The following BCL2 variants were observed in gnomAD, a reference collection of about 807,000 sequenced individuals.
The protein encoded by BCL2 is apoptosis regulator Bcl-2.
A neutral mutation model predicts 14.2 loss-of-function variants in BCL2; 1 was observed. That is an observed-to-expected ratio of 0.07 (90% CI 0.02 to 0.33). The LOEUF (loss-of-function observed/expected upper bound fraction) is 0.33, where lower values mean the gene tolerates loss of function less well. BCL2 is among the 10% of genes least tolerant of loss of function. The pLI is 0.99. For missense variants in BCL2, 247 were observed against 305.9 expected, an observed-to-expected ratio of 0.81 and a Z score of 1.44; for synonymous variants, 151 against 137.2, an observed-to-expected ratio of 1.10 and a Z score of -0.70.
chr18:63,160,261 C>A (rs1914887637), intron 2 of BCL2, among the ~76,000 whole-genome samples: 1 of 152,164 alleles, frequency 6.6e-6, no homozygotes, highest in Non-Finnish European at 1.5e-5. Context: ...GGTGCGTGAG[C>A]CTGCACAGAC....
At chr18:63,182,111 A>G (rs1331671176) in intron 2 of BCL2, among the ~76,000 whole-genome samples, 1 of 152,132 alleles carries the variant, frequency 6.6e-6, no homozygotes, top group Admixed American at 6.5e-5. Context: ...GTTAGTCTCA[A>G]TCTTGCAAAC....
intron 2 of BCL2, among the ~76,000 whole-genome samples, chr18:63,133,632 A>T (rs1473435): frequency 0.91 from 138,432 of 151,398 alleles, 63,854 homozygotes; most frequent in East Asian, 1. Flanking sequence ...AATTTTTTTT[A>T]AAAAAGGTCA....
At chr18:63,308,132 A>G (rs1913196583) in intron 2 of BCL2, among the ~76,000 whole-genome samples, 4 of 152,218 alleles carry the variant, frequency 2.6e-5, no homozygotes, top group Admixed American at 2.0e-4. Flanking sequence ...CTGCCAGGCC[A>G]ATGGTTTTAT....
intron 2 of BCL2, among the ~76,000 whole-genome samples, chr18:63,158,012 G>A (rs935543156): frequency 4.6e-5 from 7 of 151,808 alleles, no homozygotes; most frequent in Non-Finnish European, 1.0e-4. Context: ...CGGCGTAGCA[G>A]GAAAAAGAAA....
intron 2 of BCL2, among the ~76,000 whole-genome samples, chr18:63,173,311 T>C (rs1206547659): frequency 6.6e-6 from 1 of 152,246 alleles, no homozygotes; most frequent in Non-Finnish European, 1.5e-5. Context: ...AACATATATT[T>C]TGCTAGGCTC....
intron 2 of BCL2, among the ~76,000 whole-genome samples, chr18:63,198,746 C>CACACACAGACAT (rs1909555447): frequency 1.4e-5 from 2 of 138,090 alleles, no homozygotes; most frequent in African/African-American, 2.9e-5. Context: ...CACAGGGACA[C>CACACACAGACAT]ACACAGACAC....
intron 2 of BCL2, among the ~76,000 whole-genome samples, chr18:63,303,374 T>C (rs1913024839): frequency 6.6e-6 from 1 of 152,228 alleles, no homozygotes; most frequent in African/African-American, 2.4e-5. Context: ...AAAAGTTGTT[T>C]CATTTATTTT....
intron 2 of BCL2, among the ~76,000 whole-genome samples, chr18:63,153,804 C>T (rs1015234438): frequency 6.6e-6 from 1 of 152,156 alleles, no homozygotes; most frequent in Non-Finnish European, 1.5e-5. Flanking sequence ...CAGACCTGGC[C>T]ACTCCAAAAA....
intron 2 of BCL2, among the ~76,000 whole-genome samples, chr18:63,195,129 T>A (rs1213470035): frequency 6.6e-6 from 1 of 152,128 alleles, no homozygotes; most frequent in Non-Finnish European, 1.5e-5. Flanking sequence ...AACATCATAG[T>A]GGGGATGGAA....
chr18:63,182,848 G>A lies in BCL2; in HGVS notation c.586-54089C>T, dbSNP rs138748407. Among the ~76,000 whole-genome samples, 266 of 152,304 alleles carry A rather than the reference G, an allele frequency of 1.7e-3. 2 individuals carry two copies. The highest frequency in any genetic ancestry group is 5.9e-3 in the African/African-American group (245 of 41,564). On this transcript the variant is annotated intron_variant, in intron 2 of 2. Coordinates refer to ENST00000333681, the MANE Select transcript of BCL2 (RefSeq NM_000633.3). ...CCTCATGTCCCTACCTGGGGTATTT[G>A]CCTGAAGATAAGAGCAACTCATTGC...
intron 2 of BCL2, among the ~76,000 whole-genome samples, chr18:63,297,131 T>C (rs1055478689): frequency 1.3e-5 from 2 of 151,960 alleles, no homozygotes; most frequent in Admixed American, 6.6e-5. Context: ...GAGAATGGCA[T>C]GAACCCTGGA....
At chr18:63,268,294 C>CAA (rs1911895723) in intron 2 of BCL2, among the ~76,000 whole-genome samples, 1 of 152,146 alleles carries the variant, frequency 6.6e-6, no homozygotes, top group Non-Finnish European at 1.5e-5. Flanking sequence ...AAAACCAACC[C>CAA]CCAGTTAAGG....
At chr18:63,249,156 C>T (rs1911233299) in intron 2 of BCL2, among the ~76,000 whole-genome samples, 1 of 152,202 alleles carries the variant, frequency 6.6e-6, no homozygotes, top group African/African-American at 2.4e-5. Context: ...CAATTAACAT[C>T]TATTCCCATC....
intron 2 of BCL2, among the ~76,000 whole-genome samples, chr18:63,299,387 AG>A (rs1912892834): frequency 6.6e-6 from 1 of 152,208 alleles, no homozygotes. Context: ...CCATCCTGGG[AG>A]TTCCTACTGC....
intron 2 of BCL2, among the ~76,000 whole-genome samples, chr18:63,193,436 G>C (rs1909343153): frequency 6.6e-6 from 1 of 152,066 alleles, no homozygotes; most frequent in Non-Finnish European, 1.5e-5. Context: ...CTCGGCTTCT[G>C]TGAATTTGGC....
Position 63,318,055 on chromosome 18 carries a change from C to A in BCL2, c.585+27G>T. On this transcript the variant is annotated intron_variant, in intron 2 of 2. Transcript: ENST00000333681. The surrounding 1 kb of genome is among the most constrained non-coding windows in gnomAD (Gnocchi z 7.4). ...GCATCTCGGACCTGTGGCCTCAGCC[C>A]AGACTCACATCACCAAGTGCACCTA... 1 of 1,611,994 alleles carries A rather than the reference C, an allele frequency of 6.2e-7. No individual in the cohort carries two copies. Among genetic ancestry groups the A allele is most frequent in the Non-Finnish European group, 8.5e-7 (1 of 1,178,948 alleles).
At chr18:63,176,270 T>C (rs963448066) in intron 2 of BCL2, among the ~76,000 whole-genome samples, 2 of 152,226 alleles carry the variant, frequency 1.3e-5, no homozygotes, top group Non-Finnish European at 1.5e-5. Context: ...AATTGGTCTG[T>C]CTCTCATCCT....
intron 2 of BCL2, among the ~76,000 whole-genome samples, chr18:63,169,248 T>TTTTTC (rs1915124374): frequency 9.2e-6 from 1 of 108,144 alleles, no homozygotes; most frequent in Non-Finnish European, 1.9e-5. Context: ...CCCTTCGTGT[T>TTTTTC]TTTCTTTCTT....
At chr18:63,266,337 C>G (rs1171769703) in intron 2 of BCL2, among the ~76,000 whole-genome samples, 1 of 151,126 alleles carries the variant, frequency 6.6e-6, no homozygotes, top group Non-Finnish European at 1.5e-5. Context: ...AATAGGCTAT[C>G]ATAAATATAA....
Sources: allele counts gnomAD v4.1 joint callset (sites outside exome capture counted in the v4.1 genomes callset), GRCh38; gene constraint gnomAD v4.1.1; non-coding constraint Gnocchi (gnomAD v3.1); transcripts MANE v1.5; gene names NCBI Gene and HGNC (gene_info 2026-07-23, HGNC 2026-07-21).